The following TRIM49 variants were observed in gnomAD, a reference collection of about 807,000 sequenced individuals.
The protein encoded by TRIM49 is tripartite motif-containing protein 49.
TRIM49 carries 5 observed loss-of-function variants against 27.4 expected under a neutral mutation model. The ratio of observed to expected loss-of-function variants is 0.18; its 90% CI spans 0.10 to 0.38. TRIM49 has a LOEUF of 0.38. TRIM49 is among the 10% of genes least tolerant of loss of function. The pLI is 1.00. For synonymous variants in TRIM49, 69 were observed against 166.0 expected, an observed-to-expected ratio of 0.42 and a Z score of 4.49; for missense variants, 188 against 487.5, an observed-to-expected ratio of 0.39 and a Z score of 5.79.
chr11:89,791,251 A>C, the TRIM49 span, among the ~76,000 whole-genome samples: 1 of 152,056 alleles, frequency 6.6e-6, no homozygotes, highest in Non-Finnish European at 1.5e-5. Flanking sequence ...CAATGTGAAA[A>C]GACCAAATCT....
chr11:89,768,769 C>G, the TRIM49 span: 1 of 501,386 alleles, frequency 2.0e-6, no homozygotes, highest in East Asian at 5.8e-5. Context: ...ATGTTTTTCA[C>G]AGCACGCCTT....
chr11:89,793,792 G>A (rs1486441286), downstream of TRIM49, among the ~76,000 whole-genome samples: 7 of 151,960 alleles, frequency 4.6e-5, no homozygotes, highest in African/African-American at 1.7e-4. Flanking sequence ...TACTGAGTGG[G>A]CAAAAACTGG....
At chr11:89,774,128 G>A in the TRIM49 span, among the ~76,000 whole-genome samples, 1 of 149,484 alleles carries the variant, frequency 6.7e-6, no homozygotes, top group Non-Finnish European at 1.5e-5. Context: ...AGCCTCCCAA[G>A]TAGCTAGGAT....
downstream of TRIM49, among the ~76,000 whole-genome samples, chr11:89,795,845 C>G (rs1483645154): frequency 6.6e-6 from 1 of 151,662 alleles, no homozygotes; most frequent in Non-Finnish European, 1.5e-5. Flanking sequence ...TGTAACAAAT[C>G]TGCACGTTGT....
chr11:89,800,000 A>G lies in TRIM49; in HGVS notation c.762-187T>C, dbSNP rs529990135. On this transcript the variant is annotated intron_variant, in intron 6 of 7. Transcript: ENST00000329758. The stretch of plus-strand genomic sequence containing the variant: ...ATTTTAAAGCATGATGGAAGAATCT[A>G]AGCCAGAATCCAATCTGATCCTTCT... Among the ~76,000 whole-genome samples, 282 of 151,120 alleles carry G rather than the reference A, an allele frequency of 1.9e-3. 19 individuals carry two copies. Among genetic ancestry groups the G allele is most frequent in the African/African-American group, 6.4e-3 (261 of 40,694 alleles).
At chr11:89,791,744 C>A in the TRIM49 span, among the ~76,000 whole-genome samples, 9,257 of 150,930 alleles carry the variant, frequency 0.061, 25 homozygotes, top group African/African-American at 0.12. Flanking sequence ...CTAAAGGAAG[C>A]ACTAAACATG....
chr11:89,805,463 A>T (rs1287581424), intron 2 of TRIM49, among the ~76,000 whole-genome samples: 3 of 151,404 alleles, frequency 2.0e-5, no homozygotes, highest in Non-Finnish European at 4.4e-5. Flanking sequence ...GACACCTCAG[A>T]TATAAAGAAA....
rs199788449 is a variant in TRIM49 at position 89,800,405 on chromosome 11, CA to C, written c.761+560del. ...CCTCTGGTGACTTTCTCACCATTCACAAAAAAAAACTTATCTTTCTCCTGTG... is the reference window on the plus strand; with the variant it reads ...CCTCTGGTGACTTTCTCACCATTCACAAAAAAAACTTATCTTTCTCCTGTG... On this transcript the variant is annotated intron_variant, in intron 6 of 7. Coordinates refer to ENST00000329758, the MANE Select transcript of TRIM49 (RefSeq NM_020358.2). Among the ~76,000 whole-genome samples, 294 of 151,258 alleles carry C rather than the reference CA, an allele frequency of 1.9e-3. 2 individuals are homozygous for C. Among genetic ancestry groups the C allele is most frequent in the African/African-American group, 6.7e-3 (275 of 40,934 alleles).
the TRIM49 span, chr11:89,776,884 A>G: frequency 3.7e-6 from 5 of 1,365,986 alleles, no homozygotes; most frequent in Non-Finnish European, 4.9e-6. Flanking sequence ...TCAAGTAGAC[A>G]AAGAAAATTG....
the TRIM49 span, among the ~76,000 whole-genome samples, chr11:89,791,079 A>C: frequency 6.7e-6 from 1 of 149,524 alleles, no homozygotes; most frequent in Non-Finnish European, 1.5e-5. Flanking sequence ...AAACCATGGC[A>C]GGAGAACTAC....
intron 2 of TRIM49, among the ~76,000 whole-genome samples, chr11:89,806,193 T>A (rs1949788574): frequency 6.6e-6 from 1 of 150,634 alleles, no homozygotes; most frequent in Non-Finnish European, 1.5e-5. Flanking sequence ...TAACTATTTG[T>A]GTATCTAAAC....
chr11:89,785,258 AAAT>A, the TRIM49 span, among the ~76,000 whole-genome samples: 1 of 128,834 alleles, frequency 7.8e-6, no homozygotes, highest in Non-Finnish European at 1.6e-5. Flanking sequence ...ATAAATAAAT[AAAT>A]AAATAAAATC....
rs146898780 is a variant in TRIM49 at position 89,798,365 on chromosome 11, G to A, written c.1124C>T (p.Ala375Val). The A allele has an allele frequency of 8.3e-6, 13 of 1,562,132 alleles. 1 individual carries two copies. The highest frequency in any genetic ancestry group is 1.1e-5 in the Non-Finnish European group (13 of 1,156,354). ...AACACACCCAAGAAGAAAGAGTCCC[G>A]CCTTTCCATCTATCTTCTCATTCTG... ...KNQNEKIDGK[A>V]GLFLLGCVKN... Residue 375 changes from alanine to valine, a missense_variant, in exon 8 of 8, where the codon GCG becomes GTG. By Grantham distance (64) the Ala-to-Val change is moderately conservative. Around this residue, in one of 6 missense-constraint regions of TRIM49, gnomAD observed 94 missense variants for 149.6 expected, o/e 0.63. Transcript: ENST00000329758.
intron 2 of TRIM49, among the ~76,000 whole-genome samples, chr11:89,806,807 TAC>T (rs1196105548): frequency 6.7e-6 from 1 of 148,798 alleles, no homozygotes; most frequent in East Asian, 2.0e-4. Flanking sequence ...TACATACATA[TAC>T]ACACACACCT....
chr11:89,777,075 C>T, the TRIM49 span: 3 of 1,550,146 alleles, frequency 1.9e-6, no homozygotes, highest in African/African-American at 2.7e-5. Context: ...ACTGTGGGCA[C>T]AGCTTTTGCA....
the TRIM49 span, among the ~76,000 whole-genome samples, chr11:89,767,939 C>A: frequency 7.3e-6 from 1 of 137,520 alleles, no homozygotes; most frequent in Admixed American, 6.8e-5. Flanking sequence ...TTGAACCATA[C>A]ATGAATGGTT....
At chr11:89,771,770 GA>G in the TRIM49 span, among the ~76,000 whole-genome samples, 1 of 57,234 alleles carries the variant, frequency 1.7e-5, no homozygotes, top group African/African-American at 1.2e-4. Flanking sequence ...TCTCATTATG[GA>G]AGTGTTAATC....
the TRIM49 span, chr11:89,766,609 A>G: frequency 1.9e-5 from 20 of 1,067,178 alleles, 2 homozygotes; most frequent in African/African-American, 2.8e-5. Context: ...TGGCCAGTGT[A>G]AAAGAAAGAC....
chr11:89,780,143 C>T, the TRIM49 span, among the ~76,000 whole-genome samples: 1 of 108,764 alleles, frequency 9.2e-6, no homozygotes, highest in African/African-American at 3.2e-5. Context: ...GCATCAATGA[C>T]CCGGGCCTCC....
Sources: gnomAD v4.1 joint callset for allele counts (sites outside exome capture counted in the v4.1 genomes callset) on GRCh38, gnomAD v4.1.1 for gene constraint, gnomAD v4.1.1 regional missense constraint, MANE v1.5 for transcripts, NCBI Gene and HGNC (gene_info 2026-07-23, HGNC 2026-07-21) for gene names.